Variants in PUDP observed in about 807,000 individuals in gnomAD.
PUDP encodes the protein pseudouridine-5'-phosphatase.
PUDP carries 8 observed loss-of-function variants against 9.4 expected under a neutral mutation model. The observed-to-expected ratio is 0.85, with a 90% CI of 0.50 to 1.53. PUDP has a LOEUF of 1.53. PUDP is among the 40% of genes most tolerant of loss of function. The pLI, the probability that PUDP is intolerant of heterozygous loss-of-function variation, is 0.00. For missense variants in PUDP, 188 were observed against 189.7 expected (o/e 0.99, Z 0.05); for synonymous variants, 99 against 80.7 (o/e 1.23, Z -1.22).
chrX:6,905,103 T>C (rs6639700), intron 3 of PUDP, among the ~76,000 whole-genome samples: 23,176 of 111,051 alleles, frequency 0.21, 2,077 homozygotes, highest in Admixed American at 0.38. Flanking sequence ...CTGAAGGTTG[T>C]ATTGACATAG....
intron 3 of PUDP, among the ~76,000 whole-genome samples, chrX:6,961,597 C>A (rs1051325037): frequency 1.8e-5 from 2 of 111,440 alleles, no homozygotes; most frequent in African/African-American, 6.5e-5. Context: ...ATGTGTTAAG[C>A]ATTTACAAGG....
At chrX:6,825,005 C>T (rs1396577225) in intron 3 of PUDP, among the ~76,000 whole-genome samples, 1 of 111,384 alleles carries the variant, frequency 9.0e-6, no homozygotes, top group Non-Finnish European at 1.9e-5. Context: ...CTTAAATTTA[C>T]GTTGTTTAAA....
intron 2 of PUDP, among the ~76,000 whole-genome samples, chrX:7,091,349 G>A (rs1437932511): frequency 3.6e-5 from 4 of 111,303 alleles, no homozygotes; most frequent in Non-Finnish European, 7.5e-5. Flanking sequence ...CTTTTTATTC[G>A]TTCTTTTTAA....
At chrX:6,961,927 T>A (rs972388888) in intron 3 of PUDP, among the ~76,000 whole-genome samples, 4 of 112,293 alleles carry the variant, frequency 3.6e-5, no homozygotes, top group African/African-American at 1.3e-4. Context: ...AAAAAACAAG[T>A]TAACTGCTTC....
At chrX:7,027,737 T>C (rs1289004617) in intron 1 of PUDP, among the ~76,000 whole-genome samples, 1 of 99,292 alleles carries the variant, frequency 1.0e-5, no homozygotes, top group African/African-American at 3.6e-5. Flanking sequence ...CATTATAGTC[T>C]ATATATAGAC....
At position 6,772,598 on chromosome X, in the gene PUDP, G is replaced by T. The variant is rs139408407; in HGVS notation, c.*248-66132C>A. Among the ~76,000 whole-genome samples, 651 of 102,518 alleles carry T rather than the reference G, an allele frequency of 6.4e-3. 5 individuals carry two copies. Among genetic ancestry groups the T allele is most frequent in the Non-Finnish European group, 0.011 (534 of 50,649 alleles). 89.0% of individuals were successfully genotyped at this position (102,518 alleles called of 115,157 possible). A position where few individuals can be genotyped will look rare whatever the true frequency, so the allele number is the denominator to read the frequency against. On this transcript the variant is annotated intron_variant and NMD_transcript_variant, in intron 3 of 3. Transcript: ENST00000655425. Reference sequence around the variant, plus strand: ...TCCCAGAAAAACAAATTTCAGTATGGATTATCTGACTTTCAGAGAAATACA... The same window carrying T: ...TCCCAGAAAAACAAATTTCAGTATGTATTATCTGACTTTCAGAGAAATACA...
chrX:7,047,776 C>G (rs1230953870), downstream of PUDP, among the ~76,000 whole-genome samples: 2 of 112,687 alleles, frequency 1.8e-5, no homozygotes, highest in Non-Finnish European at 3.8e-5. Flanking sequence ...GAGTACAGTG[C>G]AGACTACAGA....
chrX:7,125,723 G>A (rs1932467636), intron 1 of PUDP, among the ~76,000 whole-genome samples: 1 of 111,922 alleles, frequency 8.9e-6, no homozygotes, highest in Non-Finnish European at 1.9e-5. Flanking sequence ...CACAATCATG[G>A]CAGAAGATGA....
chrX:6,836,155 T>C (rs1216798464), intron 3 of PUDP, among the ~76,000 whole-genome samples: 3 of 112,090 alleles, frequency 2.7e-5, no homozygotes, highest in African/African-American at 9.7e-5. Flanking sequence ...TTTGTGTTTT[T>C]TATATTTAAT....
At chrX:6,810,685 G>A (rs2068695098) in intron 3 of PUDP, among the ~76,000 whole-genome samples, 1 of 111,907 alleles carries the variant, frequency 8.9e-6, no homozygotes, top group African/African-American at 3.2e-5. Context: ...ATTAGCTCCT[G>A]ATTGAACTGA....
At position 7,111,877 on chromosome X, in the gene PUDP, G is replaced by T. The variant is rs185578871; in HGVS notation, c.62-6039C>A. Reference sequence around the variant, plus strand: ...TCATTAGGGAATGCTTTTGTTAACCGTGAGTTATAGGGAATTGACAAGATC... The same window carrying T: ...TCATTAGGGAATGCTTTTGTTAACCTTGAGTTATAGGGAATTGACAAGATC... On this transcript the variant is annotated intron_variant, in intron 1 of 3. Coordinates refer to ENST00000381077, the MANE Select transcript of PUDP (RefSeq NM_012080.5). Among the ~76,000 whole-genome samples, 4 of 110,932 alleles carry T rather than the reference G, an allele frequency of 3.6e-5. No homozygotes were observed. The East Asian group carries it at 1.1e-3, about 31-fold the overall frequency.
intron 3 of PUDP, among the ~76,000 whole-genome samples, chrX:6,832,738 A>T (rs1178845362): frequency 8.9e-6 from 1 of 111,988 alleles, no homozygotes; most frequent in Non-Finnish European, 1.9e-5. Context: ...TACACTCCCT[A>T]CTTAGCTAGG....
chrX:6,918,815 G>A (rs1032334344), intron 3 of PUDP, among the ~76,000 whole-genome samples: 7 of 112,437 alleles, frequency 6.2e-5, no homozygotes, highest in African/African-American at 1.6e-4. Flanking sequence ...GCCCCACCTC[G>A]TAGTATCATC....
At chrX:7,099,108 T>A (rs974838053) in intron 2 of PUDP, among the ~76,000 whole-genome samples, 5 of 112,573 alleles carry the variant, frequency 4.4e-5, no homozygotes, top group Admixed American at 3.7e-4. Flanking sequence ...TGGGGGATTC[T>A]ACACAATAAA....
intron 1 of PUDP, among the ~76,000 whole-genome samples, chrX:7,008,503 A>C (rs1181254163): frequency 9.0e-6 from 1 of 111,103 alleles, no homozygotes. Context: ...TCTATAGCCC[A>C]GGTCACTGGC....
At chrX:6,710,970 A>C (rs1924524858) in intron 1 of PUDP, among the ~76,000 whole-genome samples, 1 of 111,198 alleles carries the variant, frequency 9.0e-6, no homozygotes, top group Non-Finnish European at 1.9e-5. Flanking sequence ...AAGGGGGGAA[A>C]AGTGTGGAGC....
chrX:6,916,247 C>T (rs1026820945), intron 3 of PUDP, among the ~76,000 whole-genome samples: 1 of 83,943 alleles, frequency 1.2e-5, no homozygotes, highest in African/African-American at 5.0e-5. Context: ...CACACACACA[C>T]ACCCTGGGGA....
chrX:7,006,253 C>T (rs1929400693), intron 1 of PUDP, among the ~76,000 whole-genome samples: 1 of 111,863 alleles, frequency 8.9e-6, no homozygotes, highest in Admixed American at 9.4e-5. Flanking sequence ...GAGGAACCAC[C>T]ATAATGTTTT....
intron 1 of PUDP, chrX:7,117,045 G>C (rs1384209026): frequency 8.6e-7 from 1 of 1,164,681 alleles, no homozygotes; most frequent in Non-Finnish European, 1.1e-6. Context: ...CTGCAGAAAT[G>C]TGAGCCAATT....
Sources: gnomAD v4.1 joint callset for allele counts (sites outside exome capture counted in the v4.1 genomes callset) on GRCh38, gnomAD v4.1.1 for gene constraint, MANE v1.5 for transcripts, NCBI Gene and HGNC (gene_info 2026-07-23, HGNC 2026-07-21) for gene names.